The following RNF24 variants were observed in gnomAD, a reference collection of about 807,000 sequenced individuals.
RNF24 encodes ring finger protein 24.
Under a neutral mutation model 20.0 loss-of-function variants are expected in RNF24, and 14 were observed. That is an observed-to-expected ratio of 0.70 (90% CI 0.46 to 1.10). The LOEUF (loss-of-function observed/expected upper bound fraction) is 1.10. Among genes scored for constraint, RNF24 ranks in the 50% least tolerant of loss-of-function variants. RNF24 has a pLI of 0.00. For synonymous variants in RNF24, 45 were observed against 61.1 expected, an observed-to-expected ratio of 0.74 and a Z score of 1.23; for missense variants, 124 against 177.6, an observed-to-expected ratio of 0.70 and a Z score of 1.71.
At chr20:3,973,871 C>T (rs749706643) in intron 1 of RNF24, among the ~76,000 whole-genome samples, 3 of 152,068 alleles carry the variant, frequency 2.0e-5, no homozygotes, top group Non-Finnish European at 2.9e-5. Context: ...TGGGAGGGAA[C>T]ATTTCTCAAG....
intron 1 of RNF24, among the ~76,000 whole-genome samples, chr20:3,990,151 T>C (rs1980307926): frequency 6.6e-6 from 1 of 152,062 alleles, no homozygotes; most frequent in Non-Finnish European, 1.5e-5. Flanking sequence ...GGTTTAAATA[T>C]AAAAAATGAA....
chr20:3,940,416 G>GAA (rs35857615), intron 4 of RNF24, among the ~76,000 whole-genome samples: 46,751 of 142,558 alleles, frequency 0.33, 8,174 homozygotes, highest in African/African-American at 0.48. Context: ...AAAAATTACT[G>GAA]AAAAAAAAAA....
At chr20:4,003,062 C>T (rs763651922) in intron 1 of RNF24, among the ~76,000 whole-genome samples, 15 of 152,144 alleles carry the variant, frequency 9.9e-5, no homozygotes, top group African/African-American at 3.6e-4. Context: ...CTCTGCCGCC[C>T]GGGTTCAAGT....
rs1208877963 is a variant in RNF24, at chr20:4,008,327, A to ATGTAATATG, written c.-8+7109_-8+7110insCATATTACA. ...CTGCAAATATATATATATATTATAT[A>ATGTAATATG]TATAATATATATATTATACATGTAA... On this transcript the variant is annotated intron_variant, in intron 1 of 5. Coordinates refer to ENST00000358395, the MANE Select transcript of RNF24 (RefSeq NM_001134337.3). Among the ~76,000 whole-genome samples the ATGTAATATG allele has an allele frequency of 1.8e-3, 166 of 90,912 alleles. 1 individual carries two copies. Among genetic ancestry groups the ATGTAATATG allele is most frequent in the African/African-American group, 7.6e-3 (160 of 21,072 alleles). The allele number at this position is 90,912 out of a possible 152,430, so 59.6% of individuals were successfully genotyped here. A position where few individuals can be genotyped will look rare whatever the true frequency, so the allele number is the denominator to read the frequency against.
At position 3,934,605 on chromosome 20, in the gene RNF24, GGGA is replaced by G. The variant is rs749171720; in HGVS notation, c.308+386_308+388del. On this transcript the variant is annotated intron_variant, in intron 5 of 5. Coordinates refer to ENST00000358395, the MANE Select transcript of RNF24 (RefSeq NM_001134337.3). The surrounding 1 kb of genome is among the most constrained non-coding windows in gnomAD (Gnocchi z 4.0). ...GAATATTAATATGTCTGCAGGAAGT[GGGA>G]GGAGAGTGCCCCACACTACCATTTA... Among the ~76,000 whole-genome samples the G allele has an allele frequency of 1.1e-4, 16 of 152,178 alleles. No individual in the cohort carries two copies. The highest frequency in any genetic ancestry group is 2.1e-4 in the South Asian group (1 of 4,826).
At chr20:3,991,997 T>C (rs147408987) in intron 1 of RNF24, among the ~76,000 whole-genome samples, 30 of 152,234 alleles carry the variant, frequency 2.0e-4, no homozygotes, top group Non-Finnish European at 3.5e-4. Context: ...ACACTACTTT[T>C]TACTGAGTTG....
At chr20:3,960,445 G>A (rs1382501091) in intron 2 of RNF24, among the ~76,000 whole-genome samples, 1 of 152,130 alleles carries the variant, frequency 6.6e-6, no homozygotes, top group Non-Finnish European at 1.5e-5. Flanking sequence ...TGAGGCAGGC[G>A]GATCACAAGA....
At chr20:3,983,220 C>T (rs1173583262) in intron 1 of RNF24, among the ~76,000 whole-genome samples, 1 of 152,168 alleles carries the variant, frequency 6.6e-6, no homozygotes, top group African/African-American at 2.4e-5. Context: ...GAGGTCTTTA[C>T]ATCCAGGCAC....
intron 3 of RNF24, among the ~76,000 whole-genome samples, chr20:3,945,762 A>G (rs909655624): frequency 6.6e-6 from 1 of 151,782 alleles, no homozygotes; most frequent in Non-Finnish European, 1.5e-5. Context: ...GAAAGTTTTG[A>G]CTCCGTGGTG....
At chr20:4,003,632 CCTTTTT>C (rs1981596437) in intron 1 of RNF24, among the ~76,000 whole-genome samples, 1 of 78,056 alleles carries the variant, frequency 1.3e-5, no homozygotes, top group African/African-American at 4.2e-5. Flanking sequence ...GTTAGAAACT[CCTTTTT>C]TTTTTTTTTT....
intron 1 of RNF24, among the ~76,000 whole-genome samples, chr20:3,970,140 G>A (rs776874326): frequency 6.6e-6 from 1 of 151,940 alleles, no homozygotes; most frequent in African/African-American, 2.4e-5. Flanking sequence ...GTGAAGAATC[G>A]GGATTTTACC....
At chr20:3,992,226 T>G (rs1398901650) in intron 1 of RNF24, among the ~76,000 whole-genome samples, 1 of 152,208 alleles carries the variant, frequency 6.6e-6, no homozygotes, top group Non-Finnish European at 1.5e-5. Context: ...ATCTTCCATG[T>G]CTTTGATCTC....
At chr20:3,936,698 C>T (rs1375715403) in intron 4 of RNF24, among the ~76,000 whole-genome samples, 2 of 152,206 alleles carry the variant, frequency 1.3e-5, no homozygotes, top group African/African-American at 2.4e-5. Flanking sequence ...CTCTCAGCCC[C>T]GCCTTCCGAC....
At chr20:3,980,022 T>C (rs146415549) in intron 1 of RNF24, among the ~76,000 whole-genome samples, 191 of 152,036 alleles carry the variant, frequency 1.3e-3, no homozygotes, top group African/African-American at 4.3e-3. Flanking sequence ...ATGAAAGGAA[T>C]TGAAATCAAC....
At position 3,933,872 on chromosome 20, in the gene RNF24, G is replaced by A; in HGVS notation, c.*191C>T. ...TCCTCTTCTCTCGGCAGGGGGTAGT[G>A]TCAAAGTGCTTTGGTTGTCACAAGA... On this transcript the variant is annotated 3_prime_UTR_variant, in exon 6 of 6. Transcript: ENST00000358395. 1 of 436,422 alleles carries A rather than the reference G, an allele frequency of 2.3e-6. No individual in the cohort carries two copies. Among genetic ancestry groups the A allele is most frequent in the Middle Eastern group, 6.1e-4 (1 of 1,648 alleles). 27.0% of individuals were successfully genotyped at this position (436,422 alleles called of 1,614,324 possible). A position where few individuals can be genotyped will look rare whatever the true frequency, so the allele number is the denominator to read the frequency against.
At chr20:3,999,513 G>GGGA (rs2147061943) in intron 1 of RNF24, among the ~76,000 whole-genome samples, 1 of 152,272 alleles carries the variant, frequency 6.6e-6, no homozygotes, top group African/African-American at 2.4e-5. Context: ...CCAGCACATT[G>GGGA]GGAGGCCGAG....
At chr20:3,958,604 C>A (rs952800502) in intron 2 of RNF24, among the ~76,000 whole-genome samples, 5 of 152,154 alleles carry the variant, frequency 3.3e-5, no homozygotes, top group African/African-American at 1.2e-4. Flanking sequence ...TCCATTGAAA[C>A]ACTACTTGTA....
intron 3 of RNF24, 28 bp downstream of exon 3, chr20:3,948,206 AATC>A: frequency 1.9e-6 from 3 of 1,545,214 alleles, no homozygotes; most frequent in Non-Finnish European, 1.8e-6. Context: ...GGAAAAAAAA[AATC>A]AAAGCCAATC....
intron 2 of RNF24, among the ~76,000 whole-genome samples, chr20:3,953,655 G>C (rs972407595): frequency 2.0e-5 from 3 of 151,576 alleles, no homozygotes; most frequent in Non-Finnish European, 4.4e-5. Flanking sequence ...GTAAAGATGG[G>C]GTTTCACCAT....
Sources: gnomAD v4.1 joint callset for allele counts (sites outside exome capture counted in the v4.1 genomes callset) on GRCh38, gnomAD v4.1.1 for gene constraint, Gnocchi (gnomAD v3.1) non-coding constraint, MANE v1.5 for transcripts, NCBI Gene and HGNC (gene_info 2026-07-23, HGNC 2026-07-21) for gene names.